Variants in TMX3 observed in about 807,000 individuals in gnomAD.
TMX3 encodes the protein protein disulfide-isomerase TMX3.
In TMX3, 40 loss-of-function variants were observed where a neutral mutation model predicts 64.4. That is an observed-to-expected ratio of 0.62 (90% CI 0.48 to 0.81). The LOEUF is 0.81. Among genes scored for constraint, TMX3 ranks in the 30% least tolerant of loss-of-function variants. The probability of loss-of-function intolerance (pLI) is 0.00; values close to 1 mark genes in which losing one functional copy is unlikely to be tolerated. For synonymous variants in TMX3, 189 were observed against 175.7 expected (o/e 1.08, Z -0.60); for missense variants, 497 against 534.5 (o/e 0.93, Z 0.69).
intron 4 of TMX3, among the ~76,000 whole-genome samples, chr18:68,706,592 T>G (rs1351004584): frequency 1.3e-5 from 2 of 152,268 alleles, no homozygotes; most frequent in South Asian, 4.1e-4. Flanking sequence ...GTCTACAGAT[T>G]ACATGCTGAG....
At chr18:68,695,968 G>C (rs1915027185) in intron 8 of TMX3, among the ~76,000 whole-genome samples, 2 of 152,226 alleles carry the variant, frequency 1.3e-5, no homozygotes, top group South Asian at 2.1e-4. Context: ...ATCATGTCAG[G>C]TGTGTTCGCA....
chr18:68,707,833 C>CTAT (rs1487428638), intron 4 of TMX3, among the ~76,000 whole-genome samples: 1 of 151,916 alleles, frequency 6.6e-6, no homozygotes, highest in Non-Finnish European at 1.5e-5. Context: ...ACAAATAGTA[C>CTAT]TTGGTAAATA....
At chr18:68,691,781 AT>A (rs1311932033) in intron 8 of TMX3, among the ~76,000 whole-genome samples, 1 of 152,202 alleles carries the variant, frequency 6.6e-6, no homozygotes, top group Non-Finnish European at 1.5e-5. Flanking sequence ...GTCAGATACC[AT>A]AACTGAGAGC....
At chr18:68,690,760 T>C (rs1006539595) in intron 9 of TMX3, among the ~76,000 whole-genome samples, 12 of 152,236 alleles carry the variant, frequency 7.9e-5, no homozygotes, top group Admixed American at 5.9e-4. Context: ...GTGATGGGTA[T>C]GTAGGGCTTT....
chr18:68,687,996 G>T, intron 9 of TMX3: 1 of 289,702 alleles, frequency 3.5e-6, no homozygotes, highest in Non-Finnish European at 6.3e-6. Flanking sequence ...TAAAAATAAA[G>T]GAAATAATCA....
At chr18:68,711,684 T>C (rs1261742726) in intron 2 of TMX3, among the ~76,000 whole-genome samples, 1 of 152,198 alleles carries the variant, frequency 6.6e-6, no homozygotes, top group African/African-American at 2.4e-5. Flanking sequence ...CTCCTTGCCC[T>C]TCTAGAACAT....
chr18:68,701,547 A>G (rs2145100395), intron 5 of TMX3, 198 bp downstream of exon 5: 1 of 1,299,594 alleles, frequency 7.7e-7, no homozygotes, highest in East Asian at 2.9e-5. Flanking sequence ...TGAATTAGCC[A>G]TAAACAACAT....
chr18:68,703,181 T>TCTC (rs1001135089), intron 4 of TMX3, among the ~76,000 whole-genome samples: 2 of 152,180 alleles, frequency 1.3e-5, no homozygotes, highest in Non-Finnish European at 2.9e-5. Context: ...GAATAACGAA[T>TCTC]ATTTTTAATG....
rs1271211198 is a variant in TMX3, at chr18:68,684,445, T to C, written c.777A>G (p.Thr259=). The change falls in exon 11 of 16, where the codon ACA becomes ACG. Residue 259 remains threonine (T), a synonymous_variant. Coordinates refer to ENST00000299608, the MANE Select transcript of TMX3 (RefSeq NM_019022.5). ...CATTATACCTGGTATGTTCAACTGATGTATTTTTCTCATCAATAACTGCAA... is the reference window on the plus strand; with the variant it reads ...CATTATACCTGGTATGTTCAACTGACGTATTTTTCTCATCAATAACTGCAA... ...VALAVIDEKN[T]SVEHTRLKSI... is the part of the protein sequence containing the mutation. 4 of 1,612,926 alleles carry C rather than the reference T, an allele frequency of 2.5e-6. No individual in the cohort carries two copies. The highest frequency in any genetic ancestry group is 3.4e-6 in the Non-Finnish European group (4 of 1,179,552).
At chr18:68,687,083 A>G (rs1362014355) in intron 10 of TMX3, 1 of 982,538 alleles carries the variant, frequency 1.0e-6, no homozygotes, top group Non-Finnish European at 1.2e-6. Context: ...TGTGGCACCA[A>G]TAACCAATAT....
At chr18:68,705,449 A>T (rs2030569936) in intron 4 of TMX3, among the ~76,000 whole-genome samples, 1 of 152,228 alleles carries the variant, frequency 6.6e-6, no homozygotes, top group Non-Finnish European at 1.5e-5. Context: ...TTAATTTTTA[A>T]CTACAATCTA....
chr18:68,698,017 G>A lies in TMX3; in HGVS notation c.407C>T (p.Pro136Leu). 6.2e-7 allele frequency: 1 copy of A among 1,610,552 alleles called. No individual in the cohort carries two copies. Among genetic ancestry groups the A allele is most frequent in the Non-Finnish European group, 8.5e-7 (1 of 1,179,106 alleles). Residue 136 changes from proline (P) to leucine (L), a missense_variant, in exon 7 of 16, where the codon CCA becomes CTA. By Grantham distance (98) the Pro-to-Leu change is moderately conservative. Coordinates refer to ENST00000299608, the MANE Select transcript of TMX3 (RefSeq NM_019022.5). The part of the protein sequence containing the change: ...AHRVSGALIR[P>L]LPSQQMFEHM... ...TTCAAACATTTGTTGACTTGGAAGT[G>A]GCCGAATTAGAGCCCTGTTGCACAA... is the stretch of plus-strand genomic sequence containing the variant.
At chr18:68,709,924 A>G in intron 4 of TMX3, 97 bp downstream of exon 4, 1 of 1,201,784 alleles carries the variant, frequency 8.3e-7, no homozygotes, top group Admixed American at 2.9e-5. Context: ...TGAATTTTAC[A>G]TGAGCAAAAA....
chr18:68,697,145 A>G, intron 8 of TMX3, 81 bp downstream of exon 8: 1 of 761,640 alleles, frequency 1.3e-6, no homozygotes, highest in Non-Finnish European at 2.1e-6. Context: ...ATCAAGTAAT[A>G]AAATCACAAT....
chr18:68,707,327 A>T (rs1269092116), intron 4 of TMX3, among the ~76,000 whole-genome samples: 1 of 152,166 alleles, frequency 6.6e-6, no homozygotes, highest in Non-Finnish European at 1.5e-5. Flanking sequence ...CAATGAGTAA[A>T]AAGTCGCAAC....
intron 5 of TMX3, 137 bp downstream of exon 5, chr18:68,701,607 AT>A (rs1212886856): frequency 1.3e-6 from 2 of 1,526,370 alleles, no homozygotes; most frequent in Admixed American, 4.0e-5. Flanking sequence ...CTCTCCTTTA[AT>A]TACATACTTC....
At chr18:68,677,311 C>A in intron 15 of TMX3, 118 bp from the exon 16 acceptor site, 1 of 1,081,474 alleles carries the variant, frequency 9.2e-7, no homozygotes, top group Non-Finnish European at 1.3e-6. Context: ...GTTTTTAGTT[C>A]CAATGAATCA....
At chr18:68,708,259 G>T (rs942730359) in intron 4 of TMX3, among the ~76,000 whole-genome samples, 1 of 151,812 alleles carries the variant, frequency 6.6e-6, no homozygotes. Flanking sequence ...AAATTTCAAC[G>T]TTTCATTTGG....
At chr18:68,687,574 T>C (rs1056210408) in intron 10 of TMX3, 93 bp downstream of exon 10, 9 of 1,520,230 alleles carry the variant, frequency 5.9e-6, no homozygotes, top group South Asian at 2.6e-5. Context: ...AGTTGAGAAA[T>C]AGAGCTTAAA....
Sources: gnomAD v4.1 joint callset for allele counts (sites outside exome capture counted in the v4.1 genomes callset) on GRCh38, gnomAD v4.1.1 for gene constraint, MANE v1.5 for transcripts, NCBI Gene and HGNC (gene_info 2026-07-23, HGNC 2026-07-21) for gene names.